TENM2: variants seen among roughly 807,000 people sequenced by gnomAD.
TENM2 encodes the protein teneurin-2.
In TENM2, 52 loss-of-function variants were observed where a neutral mutation model predicts 245.2. That is an observed-to-expected ratio of 0.21 (90% CI 0.17 to 0.27). TENM2 has a LOEUF of 0.27. Among genes scored for constraint, TENM2 ranks in the 10% least tolerant of loss-of-function variants. The probability of loss-of-function intolerance (pLI) is 1.00; values close to 1 mark genes in which losing one functional copy is unlikely to be tolerated. For missense variants in TENM2, 3,046 were observed against 3,666.8 expected, an observed-to-expected ratio of 0.83 and a Z score of 4.37; for synonymous variants, 1,363 against 1,438.9, an observed-to-expected ratio of 0.95 and a Z score of 1.19.
the TENM2 span, among the ~76,000 whole-genome samples, chr5:166,990,883 G>A: frequency 1.3e-5 from 2 of 152,174 alleles, no homozygotes; most frequent in Non-Finnish European, 2.9e-5. Flanking sequence ...AGCTGTTGAT[G>A]TTGTTTAGTT....
intron 5 of TENM2, among the ~76,000 whole-genome samples, chr5:168,007,217 C>T (rs1014734909): frequency 6.6e-6 from 1 of 152,042 alleles, no homozygotes; most frequent in African/African-American, 2.4e-5. Flanking sequence ...ACACCTCTGC[C>T]TCCCGGATTC....
intron 2 of TENM2, among the ~76,000 whole-genome samples, chr5:167,865,277 CTCTTT>C (rs1358200972): frequency 2.6e-5 from 4 of 152,076 alleles, no homozygotes; most frequent in African/African-American, 4.8e-5. Context: ...TTCTCTCTCT[CTCTTT>C]TATTTATTTA....
rs1357982634 is a variant in TENM2 at position 167,969,780 on chromosome 5, A to G, written c.947+16958A>G. On this transcript the variant is annotated intron_variant, in intron 4 of 28. Transcript: ENST00000518659. ...AAGTAAAGCACTTCTTGACATTTCA[A>G]CAACACTCCCTTGATTGAGTCTCAT... 2.0e-5 allele frequency among the ~76,000 whole-genome samples: 3 copies of G among 152,318 alleles called. No homozygotes were observed. In the East Asian group the frequency reaches 5.8e-4, roughly 29 times the overall value.
intron 2 of TENM2, among the ~76,000 whole-genome samples, chr5:167,589,882 AT>A (rs1296350263): frequency 3.3e-5 from 5 of 151,426 alleles, no homozygotes; most frequent in African/African-American, 4.8e-5. Context: ...ATAATAATAT[AT>A]TTATTTAAAA....
At chr5:167,065,206 T>G in the TENM2 span, among the ~76,000 whole-genome samples, 1 of 152,182 alleles carries the variant, frequency 6.6e-6, no homozygotes, top group Non-Finnish European at 1.5e-5. Context: ...CTGACAGCAA[T>G]ATGATTAAAA....
At position 167,669,149 on chromosome 5, in the gene TENM2, C is replaced by T. The variant is rs181870668; in HGVS notation, c.503-206837C>T. Among the ~76,000 whole-genome samples, 39 of 152,234 alleles carry T rather than the reference C, an allele frequency of 2.6e-4. No homozygotes were observed. In the East Asian group the frequency reaches 6.4e-3, roughly 25 times the overall value. ...ATGCAGTATGACTTTGGTGGGCTCA[C>T]GGTTCTCAGTGTTTACATGCATCCT... On this transcript the variant is annotated intron_variant, in intron 2 of 28. Transcript: ENST00000518659.
chr5:167,178,485 G>T, the TENM2 span, among the ~76,000 whole-genome samples: 1 of 152,174 alleles, frequency 6.6e-6, no homozygotes, highest in Non-Finnish European at 1.5e-5. Context: ...AGTGGGTAAG[G>T]ATGGAGTGTT....
chr5:167,385,679 C>T (rs1339893861), intron 2 of TENM2, among the ~76,000 whole-genome samples: 1 of 151,854 alleles, frequency 6.6e-6, no homozygotes, highest in East Asian at 1.9e-4. Flanking sequence ...CCCCCTGAGT[C>T]CCCAAAGTCC....
At chr5:167,934,535 A>T (rs111974964) in intron 3 of TENM2, among the ~76,000 whole-genome samples, 3 of 152,164 alleles carry the variant, frequency 2.0e-5, no homozygotes, top group African/African-American at 7.2e-5. Context: ...CCTCTGGAAA[A>T]CAAGTACCGA....
Position 167,801,108 on chromosome 5 carries a change from AAATATATATATATAT to A in TENM2, c.503-74876_503-74862del, listed in dbSNP as rs1361988317. Among the ~76,000 whole-genome samples the A allele has an allele frequency of 3.9e-3, 220 of 55,856 alleles. 3 individuals are homozygous for A. Among genetic ancestry groups the A allele is most frequent in the South Asian group, 0.021 (27 of 1,268 alleles). The allele number at this position is 55,856 out of a possible 152,430, so 36.6% of individuals were successfully genotyped here. A position where few individuals can be genotyped will look rare whatever the true frequency, so the allele number is the denominator to read the frequency against. ...TGTATTTGAAAAGAAAAAAAAAAAAAAATATATATATATATATATATATATATATATATATATATA... is the reference window on the plus strand; with the variant it reads ...TGTATTTGAAAAGAAAAAAAAAAAAAATATATATATATATATATATATATA... On this transcript the variant is annotated intron_variant, in intron 2 of 28. Coordinates refer to ENST00000518659, the Ensembl canonical transcript of TENM2.
chr5:167,631,563 G>A (rs1004519338), intron 2 of TENM2, among the ~76,000 whole-genome samples: 2 of 152,052 alleles, frequency 1.3e-5, no homozygotes, highest in Non-Finnish European at 1.5e-5. Context: ...GAATGTGAGC[G>A]AACTCATGAC....
At chr5:168,006,329 A>G (rs926066398) in intron 5 of TENM2, among the ~76,000 whole-genome samples, 4 of 152,190 alleles carry the variant, frequency 2.6e-5, no homozygotes, top group Non-Finnish European at 5.9e-5. Flanking sequence ...TGACTCTGGA[A>G]GGGTCCTGAG....
At chr5:167,191,187 C>A in the TENM2 span, among the ~76,000 whole-genome samples, 4 of 152,044 alleles carry the variant, frequency 2.6e-5, no homozygotes, top group East Asian at 7.7e-4. Context: ...TATATACACC[C>A]ACATAATCAC....
chr5:167,617,371 G>A (rs1379640233), intron 2 of TENM2, among the ~76,000 whole-genome samples: 1 of 152,114 alleles, frequency 6.6e-6, no homozygotes, highest in Non-Finnish European at 1.5e-5. Context: ...TACGTAAAAT[G>A]ATCTTGGAGA....
chr5:167,743,960 G>A (rs757545396), intron 2 of TENM2, among the ~76,000 whole-genome samples: 2 of 152,068 alleles, frequency 1.3e-5, no homozygotes, highest in African/African-American at 2.4e-5. Context: ...TCATTATGCT[G>A]GAGTCTCTTA....
At chr5:167,068,640 A>T in the TENM2 span, among the ~76,000 whole-genome samples, 1 of 152,220 alleles carries the variant, frequency 6.6e-6, no homozygotes, top group Non-Finnish European at 1.5e-5. Context: ...CATCAGCCAC[A>T]TGTAGCTGGT....
chr5:168,010,946 A>G (rs1285011220), intron 5 of TENM2, among the ~76,000 whole-genome samples: 3 of 152,220 alleles, frequency 2.0e-5, no homozygotes, highest in African/African-American at 4.8e-5. Flanking sequence ...TTTGGCTGTA[A>G]TAGCACTTTG....
chr5:167,446,200 G>C (rs148062863), intron 2 of TENM2, among the ~76,000 whole-genome samples: 222 of 152,220 alleles, frequency 1.5e-3, no homozygotes, highest in Non-Finnish European at 2.9e-3. Flanking sequence ...TTTTGTCAAA[G>C]GTTTTTCTCC....
At chr5:167,884,885 G>A (rs1456091720) in intron 3 of TENM2, among the ~76,000 whole-genome samples, 1 of 152,044 alleles carries the variant, frequency 6.6e-6, no homozygotes, top group Non-Finnish European at 1.5e-5. Flanking sequence ...AATACACAAG[G>A]GCTCCAGTCA....
Sources: allele counts gnomAD v4.1 joint callset (sites outside exome capture counted in the v4.1 genomes callset), GRCh38; gene constraint gnomAD v4.1.1; transcripts MANE v1.5; gene names NCBI Gene and HGNC (gene_info 2026-07-23, HGNC 2026-07-21).